DGKB: variants seen among roughly 807,000 people sequenced by gnomAD.
The protein encoded by DGKB is diacylglycerol kinase beta.
DGKB carries 67 observed loss-of-function variants against 114.3 expected under a neutral mutation model. That is an observed-to-expected ratio of 0.59 (90% CI 0.48 to 0.72). The LOEUF is 0.72. DGKB is among the 30% of genes least tolerant of loss of function. The probability of loss-of-function intolerance (pLI) is 0.00; values close to 1 mark genes in which losing one functional copy is unlikely to be tolerated. For synonymous variants in DGKB, 398 were observed against 323.1 expected (o/e 1.23, Z -2.49); for missense variants, 907 against 975.2 (o/e 0.93, Z 0.93).
intron 23 of DGKB, among the ~76,000 whole-genome samples, chr7:14,226,770 T>C (rs925653142): frequency 7.2e-5 from 11 of 152,086 alleles, no homozygotes; most frequent in African/African-American, 1.9e-4. Context: ...AATGAATCAA[T>C]TATATAACAC....
intron 23 of DGKB, among the ~76,000 whole-genome samples, chr7:14,237,101 A>G (rs1446946566): frequency 6.6e-6 from 1 of 152,014 alleles, no homozygotes; most frequent in Non-Finnish European, 1.5e-5. Context: ...ACCACAGGTA[A>G]AGTTCCATAG....
chr7:14,274,039 C>CT (rs1798641967), intron 23 of DGKB, among the ~76,000 whole-genome samples: 1 of 152,136 alleles, frequency 6.6e-6, no homozygotes, highest in African/African-American at 2.4e-5. Flanking sequence ...ACAAATGTCC[C>CT]TTTTTGATAC....
chr7:14,568,791 TC>T (rs1382160143), intron 20 of DGKB, among the ~76,000 whole-genome samples: 1 of 152,202 alleles, frequency 6.6e-6, no homozygotes, highest in African/African-American at 2.4e-5. Flanking sequence ...GAGGCAAGGT[TC>T]TTTGTATATT....
chr7:14,695,614 C>T (rs1456226867), intron 8 of DGKB, among the ~76,000 whole-genome samples: 4 of 149,236 alleles, frequency 2.7e-5, no homozygotes, highest in African/African-American at 9.9e-5. Context: ...ATTCTCCTGC[C>T]TCAGCCTCCC....
In DGKB at chr7:14,694,147, G is replaced by C. The variant is rs768274455; in HGVS notation, c.639C>G (p.Thr213=). The change falls in exon 9 of 26, where the codon ACC becomes ACG. Residue 213 remains threonine (T), a synonymous_variant. Transcript: ENST00000402815. ...MEEIDYDHDG[T]VSLEEWIQGG... is the part of the protein sequence containing the mutation. ...CTTGAATCCATTCCTCCAGAGACAC[G>C]GTTCCATCATGATCATAGTCAATTT... 2 of 1,588,290 alleles carry C rather than the reference G, an allele frequency of 1.3e-6. No individual in the cohort carries two copies.
chr7:14,557,450 TTGTC>T (rs1796035591), intron 20 of DGKB, among the ~76,000 whole-genome samples: 1 of 152,184 alleles, frequency 6.6e-6, no homozygotes, highest in Admixed American at 6.5e-5. Flanking sequence ...GCTTTGGGCT[TTGTC>T]TGTCATTATA....
chr7:14,841,536 C>G (rs1055282545), intron 1 of DGKB, 86 bp from the exon 2 acceptor site: 3 of 309,012 alleles, frequency 9.7e-6, no homozygotes, highest in African/African-American at 6.5e-5. Flanking sequence ...ATGTTAAATA[C>G]TTTTTAAATC....
At chr7:14,164,231 G>A (rs1035634529) in intron 25 of DGKB, among the ~76,000 whole-genome samples, 4 of 151,976 alleles carry the variant, frequency 2.6e-5, no homozygotes, top group African/African-American at 9.7e-5. Flanking sequence ...AAAAATACAC[G>A]TTCTTCTGTT....
intron 20 of DGKB, among the ~76,000 whole-genome samples, chr7:14,522,197 C>A (rs1441043745): frequency 6.6e-6 from 1 of 152,076 alleles, no homozygotes; most frequent in Non-Finnish European, 1.5e-5. Context: ...TTTTAGATTA[C>A]ATTTGAAGTT....
chr7:14,513,504 C>A (rs1788290317), intron 20 of DGKB, among the ~76,000 whole-genome samples: 1 of 152,000 alleles, frequency 6.6e-6, no homozygotes, highest in African/African-American at 2.4e-5. Context: ...CAAACAGTCT[C>A]ATTCTGGGAG....
At chr7:14,170,083 G>A (rs545534557) in intron 25 of DGKB, among the ~76,000 whole-genome samples, 158 of 143,564 alleles carry the variant, frequency 1.1e-3, no homozygotes, top group Middle Eastern at 3.8e-3. Flanking sequence ...GCGGTGAGCC[G>A]AGATCACACC....
chr7:14,261,246 GA>G (rs199583347), intron 23 of DGKB, among the ~76,000 whole-genome samples: 11,070 of 139,552 alleles, frequency 0.079, 393 homozygotes, highest in African/African-American at 0.083. Flanking sequence ...TCATTTCAGT[GA>G]AAAAAAAAAA....
intron 23 of DGKB, among the ~76,000 whole-genome samples, chr7:14,231,802 G>A (rs994512631): frequency 1.3e-5 from 2 of 151,780 alleles, no homozygotes; most frequent in African/African-American, 2.4e-5. Flanking sequence ...ATTGATTTTC[G>A]AGGAAAAGTA....
intron 21 of DGKB, among the ~76,000 whole-genome samples, chr7:14,434,510 G>T (rs1828948413): frequency 6.6e-6 from 1 of 152,078 alleles, no homozygotes. Context: ...TGGCTTTGCA[G>T]ATAGAAGAAA....
chr7:14,168,800 G>A (rs1780358779), intron 25 of DGKB, among the ~76,000 whole-genome samples: 1 of 152,174 alleles, frequency 6.6e-6, no homozygotes, highest in Non-Finnish European at 1.5e-5. Context: ...GGAGTACAAA[G>A]GATCAGGCAA....
intron 21 of DGKB, among the ~76,000 whole-genome samples, chr7:14,371,320 C>T (rs1423444338): frequency 6.6e-6 from 1 of 152,132 alleles, no homozygotes; most frequent in Non-Finnish European, 1.5e-5. Flanking sequence ...TTCTCTGCAG[C>T]CTCACCAGCA....
At chr7:14,724,168 T>G (rs951851642) in intron 5 of DGKB, among the ~76,000 whole-genome samples, 2 of 152,164 alleles carry the variant, frequency 1.3e-5, no homozygotes, top group Admixed American at 6.5e-5. Flanking sequence ...TTGGTTCAAT[T>G]TACAGAAACG....
intron 24 of DGKB, 126 bp from the exon 25 acceptor site, chr7:14,177,025 C>T: frequency 2.0e-6 from 2 of 1,023,328 alleles, no homozygotes; most frequent in Non-Finnish European, 1.4e-6. Flanking sequence ...AATTTATCTC[C>T]AATGAAAGGA....
chr7:14,416,727 A>C (rs553718430), intron 21 of DGKB, among the ~76,000 whole-genome samples: 2 of 152,222 alleles, frequency 1.3e-5, no homozygotes, highest in African/African-American at 4.8e-5. Flanking sequence ...TGAGTCCATT[A>C]AACCTCTTTT....
Sources: allele counts gnomAD v4.1 joint callset (sites outside exome capture counted in the v4.1 genomes callset), GRCh38; gene constraint gnomAD v4.1.1; transcripts MANE v1.5; gene names NCBI Gene and HGNC (gene_info 2026-07-23, HGNC 2026-07-21).